SDK1: variants seen among roughly 807,000 people sequenced by gnomAD.
SDK1 encodes the protein sidekick cell adhesion molecule 1, also known as protein sidekick-1.
Under a neutral mutation model 245.5 loss-of-function variants are expected in SDK1, and 157 were observed. The ratio of observed to expected loss-of-function variants is 0.64; its 90% CI spans 0.56 to 0.73. The LOEUF is 0.73. SDK1 is among the 30% of genes least tolerant of loss of function. SDK1 has a pLI of 0.00. For synonymous variants in SDK1, 1,647 were observed against 1,278.5 expected, an observed-to-expected ratio of 1.29 and a Z score of -6.15; for missense variants, 3,583 against 3,002.3, an observed-to-expected ratio of 1.19 and a Z score of -4.52.
chr7:3,481,456 G>A (rs923333038), intron 1 of SDK1, among the ~76,000 whole-genome samples: 1 of 152,320 alleles, frequency 6.6e-6, no homozygotes, highest in Non-Finnish European at 1.5e-5. Context: ...CCCTCTACAC[G>A]CTGTTCTGTG....
rs566147571 is a variant in SDK1, at chr7:4,167,311, C to A, written c.4800+5455C>A. On this transcript the variant is annotated intron_variant, in intron 32 of 44. Coordinates refer to ENST00000404826, the MANE Select transcript of SDK1 (RefSeq NM_152744.4). ...CTGAGGTAGGAGAATTGCTTGAACC[C>A]GAGAGGCTACAGTGAGCAACCCAGG... is the stretch of plus-strand genomic sequence containing the variant. 3.3e-4 allele frequency among the ~76,000 whole-genome samples: 50 copies of A among 152,136 alleles called. No homozygotes were observed. The South Asian group carries it at 9.6e-3, about 29-fold the overall frequency.
At chr7:4,145,460 C>T (rs926875755) in intron 28 of SDK1, among the ~76,000 whole-genome samples, 1 of 152,114 alleles carries the variant, frequency 6.6e-6, no homozygotes, top group Non-Finnish European at 1.5e-5. Context: ...CTCGTGCCCG[C>T]ATCCTAAGGA....
chr7:4,135,072 C>T (rs569548419), intron 28 of SDK1, among the ~76,000 whole-genome samples: 57 of 152,314 alleles, frequency 3.7e-4, no homozygotes, highest in Non-Finnish European at 3.8e-4. Flanking sequence ...GCACGCCCGC[C>T]GGAGTGAGGC....
chr7:3,967,139 C>T lies in SDK1; in HGVS notation c.1430-179C>T, dbSNP rs540726463. 3.3e-5 allele frequency among the ~76,000 whole-genome samples: 5 copies of T among 152,310 alleles called. 1 individual carries two copies. In the Middle Eastern group the frequency reaches 0.014, roughly 414 times the overall value. Reference sequence around the variant, plus strand: ...TTCTCTCCAGGTTGTAAACAAAGATCGGTAACTCCTGGGAGAGGAACAGTG... The same window carrying T: ...TTCTCTCCAGGTTGTAAACAAAGATTGGTAACTCCTGGGAGAGGAACAGTG... On this transcript the variant is annotated intron_variant, in intron 9 of 44. Transcript: ENST00000404826.
At chr7:3,433,581 G>A (rs1434900025) in intron 1 of SDK1, among the ~76,000 whole-genome samples, 2 of 151,884 alleles carry the variant, frequency 1.3e-5, no homozygotes, top group African/African-American at 4.8e-5. Context: ...CAATTTTCTA[G>A]CACAATGACT....
In SDK1 at chr7:3,853,146, GA is replaced by G. The variant is rs111391620; in HGVS notation, c.847+31574del. 6.3e-3 allele frequency among the ~76,000 whole-genome samples: 923 copies of G among 146,394 alleles called. 10 individuals carry two copies. Among genetic ancestry groups the G allele is most frequent in the Non-Finnish European group, 9.0e-3 (595 of 66,168 alleles). On this transcript the variant is annotated intron_variant, in intron 5 of 44. Coordinates refer to ENST00000404826, the MANE Select transcript of SDK1 (RefSeq NM_152744.4). Reference sequence around the variant, plus strand: ...CTGTATTTTCAATCCACACTTGGTTGAAAAAAAAAAATGTGCATAGAAATGG... The same window carrying G: ...CTGTATTTTCAATCCACACTTGGTTGAAAAAAAAAATGTGCATAGAAATGG...
chr7:3,918,190 G>T (rs181594960), intron 5 of SDK1, among the ~76,000 whole-genome samples: 1 of 152,080 alleles, frequency 6.6e-6, no homozygotes, highest in Non-Finnish European at 1.5e-5. Context: ...TCTCAACACC[G>T]CGGTACCCTG....
At chr7:4,098,233 GCATAC>G in intron 22 of SDK1, among the ~76,000 whole-genome samples, 1 of 152,284 alleles carries the variant, frequency 6.6e-6, no homozygotes, top group African/African-American at 2.4e-5. Flanking sequence ...AAATACTGCC[GCATAC>G]GTGACAACTC....
intron 5 of SDK1, among the ~76,000 whole-genome samples, chr7:3,867,959 C>G (rs908598269): frequency 1.3e-4 from 19 of 151,906 alleles, no homozygotes; most frequent in African/African-American, 4.1e-4. Flanking sequence ...CTATCTTTCT[C>G]GAGATGATCA....
chr7:3,798,918 C>G (rs1457412003), intron 4 of SDK1, among the ~76,000 whole-genome samples: 1 of 152,226 alleles, frequency 6.6e-6, no homozygotes, highest in Non-Finnish European at 1.5e-5. Flanking sequence ...TTTTAGCGTT[C>G]ACCAGTGGAT....
intron 1 of SDK1, among the ~76,000 whole-genome samples, chr7:3,607,148 G>GC (rs1215954458): frequency 6.6e-6 from 1 of 151,400 alleles, no homozygotes; most frequent in Non-Finnish European, 1.5e-5. Flanking sequence ...ACAAAGGAAG[G>GC]CCCTTTTTTT....
At chr7:4,148,303 A>G (rs1780123286) in intron 29 of SDK1, among the ~76,000 whole-genome samples, 1 of 152,222 alleles carries the variant, frequency 6.6e-6, no homozygotes, top group Non-Finnish European at 1.5e-5. Context: ...ATCAGAATCA[A>G]TAATCTTCAT....
At chr7:3,544,602 C>G (rs188368867) in intron 1 of SDK1, among the ~76,000 whole-genome samples, 2 of 152,184 alleles carry the variant, frequency 1.3e-5, no homozygotes, top group South Asian at 2.1e-4. Context: ...TCTACAAGTT[C>G]AACATGAACG....
Position 3,863,188 on chromosome 7 carries a change from A to C in SDK1, c.847+41605A>C, listed in dbSNP as rs193056910. Among the ~76,000 whole-genome samples the C allele has an allele frequency of 2.2e-3, 338 of 152,262 alleles. 6 individuals are homozygous for C. The South Asian group carries it at 0.029, about 13-fold the overall frequency. On this transcript the variant is annotated intron_variant, in intron 5 of 44. Coordinates refer to ENST00000404826, the MANE Select transcript of SDK1 (RefSeq NM_152744.4). ...TTCCAGGCTGGATTATCTACTTAGC[A>C]AGATGACCCAGACTCCTTAAAGGAA... is the stretch of plus-strand genomic sequence containing the variant.
chr7:3,326,695 A>G (rs1432401236), intron 1 of SDK1, among the ~76,000 whole-genome samples: 7 of 152,082 alleles, frequency 4.6e-5, no homozygotes, highest in African/African-American at 1.7e-4. Flanking sequence ...TTAATTTTTT[A>G]TCATGGAAAA....
chr7:3,649,448 GTCTAATT>G (rs1003448786), intron 4 of SDK1, among the ~76,000 whole-genome samples: 3 of 151,802 alleles, frequency 2.0e-5, no homozygotes, highest in African/African-American at 7.3e-5. Context: ...CCTCCTGCTT[GTCTAATT>G]TCTATTACTG....
At chr7:3,600,189 A>G (rs1781210023) in intron 1 of SDK1, among the ~76,000 whole-genome samples, 2 of 152,188 alleles carry the variant, frequency 1.3e-5, no homozygotes, top group Non-Finnish European at 2.9e-5. Flanking sequence ...GTGATTGTAA[A>G]TGGTATTATG....
intron 19 of SDK1, among the ~76,000 whole-genome samples, chr7:4,058,662 A>G (rs1198920815): frequency 6.6e-6 from 1 of 152,204 alleles, no homozygotes; most frequent in East Asian, 1.9e-4. Flanking sequence ...ATCAGCAGAA[A>G]CCTTACATGC....
At chr7:4,132,897 C>T (rs1784935475) in intron 28 of SDK1, among the ~76,000 whole-genome samples, 2 of 152,156 alleles carry the variant, frequency 1.3e-5, no homozygotes, top group Admixed American at 1.3e-4. Context: ...GTTTTCTGAG[C>T]TACGTACTAA....
Sources: allele counts gnomAD v4.1 joint callset (sites outside exome capture counted in the v4.1 genomes callset), GRCh38; gene constraint gnomAD v4.1.1; transcripts MANE v1.5; gene names NCBI Gene and HGNC (gene_info 2026-07-23, HGNC 2026-07-21).